SFMBT2: variants seen among roughly 807,000 people sequenced by gnomAD.
The protein encoded by SFMBT2 is scm-like with four MBT domains protein 2.
In SFMBT2, 38 loss-of-function variants were observed where a neutral mutation model predicts 110.1. The observed-to-expected ratio is 0.35, with a 90% confidence interval of 0.27 to 0.45. The LOEUF (loss-of-function observed/expected upper bound fraction) is 0.45, where lower values mean the gene tolerates loss of function less well. SFMBT2 is among the 20% of genes least tolerant of loss of function. SFMBT2 has a pLI of 1.00. For synonymous variants in SFMBT2, 425 were observed against 425.4 expected, an observed-to-expected ratio of 1.00 and a Z score of 0.01; for missense variants, 1,011 against 1,094.9, an observed-to-expected ratio of 0.92 and a Z score of 1.08.
chr10:7,385,539 G>A (rs1456957909), intron 1 of SFMBT2, among the ~76,000 whole-genome samples: 1 of 152,196 alleles, frequency 6.6e-6, no homozygotes, highest in Admixed American at 6.5e-5. Context: ...AATGTATCCA[G>A]GAGAAAGGGG....
intron 9 of SFMBT2, among the ~76,000 whole-genome samples, chr10:7,236,565 G>A (rs1250375272): frequency 6.6e-6 from 1 of 152,136 alleles, no homozygotes; most frequent in African/African-American, 2.4e-5. Flanking sequence ...ACGATGCAGA[G>A]ACAAGTGGGG....
chr10:7,311,332 C>A (rs567758307), intron 4 of SFMBT2, among the ~76,000 whole-genome samples: 1 of 152,350 alleles, frequency 6.6e-6, no homozygotes, highest in East Asian at 1.9e-4. Context: ...GTCCATCTTT[C>A]ATTGTGACAT....
At chr10:7,197,984 C>T (rs940436118) in intron 14 of SFMBT2, 61 of 985,196 alleles carry the variant, frequency 6.2e-5, no homozygotes, top group Non-Finnish European at 7.4e-5. Context: ...GCGCTGTGTC[C>T]TAATAGCAGG....
intron 4 of SFMBT2, among the ~76,000 whole-genome samples, chr10:7,321,201 CTTTTTTTTTT>C (rs542174351): frequency 7.7e-6 from 1 of 130,490 alleles, no homozygotes; most frequent in African/African-American, 2.9e-5. Flanking sequence ...TATGAGCATC[CTTTTTTTTTT>C]TTTTTTTTGA....
At chr10:7,318,188 C>T (rs1186549343) in intron 4 of SFMBT2, among the ~76,000 whole-genome samples, 1 of 152,214 alleles carries the variant, frequency 6.6e-6, no homozygotes, top group Non-Finnish European at 1.5e-5. Flanking sequence ...AGGCATTCTG[C>T]CAGAACCTTC....
At chr10:7,232,016 G>A (rs1281320758) in intron 9 of SFMBT2, among the ~76,000 whole-genome samples, 1 of 152,152 alleles carries the variant, frequency 6.6e-6, no homozygotes, top group African/African-American at 2.4e-5. Context: ...CTGGAGGGAG[G>A]GAGGAAAACA....
intron 4 of SFMBT2, among the ~76,000 whole-genome samples, chr10:7,337,808 A>T (rs1043952176): frequency 1.3e-5 from 2 of 152,178 alleles, no homozygotes; most frequent in South Asian, 4.1e-4. Context: ...CCTGGAATCA[A>T]CTGAAGACGA....
Position 7,172,614 on chromosome 10 carries a change from C to T in SFMBT2, c.2032G>A (p.Glu678Lys), listed in dbSNP as rs1837922214. ...GGGTGTCCGCTGTCGGGGTTGCTTT[C>T]CCCGATGGGGGGCTTGGAGATCTTC... ...RKKISKPPIG[E>K]SNPDSGHPKP... The change falls in exon 18 of 21, where the codon GAA (glutamate) becomes AAA (lysine). Residue 678 changes from glutamate (E) to lysine (K), a missense_variant. Glu to Lys is a moderately conservative substitution (Grantham distance 56). This residue lies in a region of SFMBT2 where 979 missense variants were observed against 1,016.1 expected (regional missense o/e 0.96). Transcript: ENST00000397167. The surrounding 1 kb of genome is among the most constrained non-coding windows in gnomAD (Gnocchi z 4.6). 1 of 1,614,074 alleles carries T rather than the reference C, an allele frequency of 6.2e-7. No homozygotes were observed. The highest frequency in any genetic ancestry group is 8.5e-7 in the Non-Finnish European group (1 of 1,180,028).
chr10:7,387,383 C>A (rs921791544), intron 1 of SFMBT2, among the ~76,000 whole-genome samples: 29 of 152,246 alleles, frequency 1.9e-4, no homozygotes, highest in African/African-American at 7.0e-4. Flanking sequence ...ACGTTGGGCA[C>A]TGGGGACAGA....
chr10:7,246,867 T>C (rs1185468836), intron 8 of SFMBT2, among the ~76,000 whole-genome samples: 1 of 152,056 alleles, frequency 6.6e-6, no homozygotes, highest in Non-Finnish European at 1.5e-5. Flanking sequence ...CCGGCATGAC[T>C]GCAGCACCCA....
At chr10:7,238,264 GA>G (rs1395956385) in intron 9 of SFMBT2, among the ~76,000 whole-genome samples, 5 of 152,204 alleles carry the variant, frequency 3.3e-5, no homozygotes, top group African/African-American at 1.2e-4. Flanking sequence ...GTGAGACTCT[GA>G]AAATGTGGAC....
At position 7,171,987 on chromosome 10, in the gene SFMBT2, G is replaced by T. The variant is rs778596549; in HGVS notation, c.2323C>A (p.Pro775Thr). Residue 775 changes from proline (P) to threonine (T), a missense_variant, in exon 19 of 21, where the codon CCA (proline) becomes ACA (threonine). This residue lies in a region of SFMBT2 where 979 missense variants were observed against 1,016.1 expected (regional missense o/e 0.96). Coordinates refer to ENST00000397167, the MANE Select transcript of SFMBT2 (RefSeq NM_001387889.1). This position sits in a 1 kb window ranked among gnomAD's most constrained non-coding sequence, Gnocchi z 4.9. Reference sequence around the variant, plus strand: ...CCGCGGCCCCTTCGTGTCCTCTCTGGGGGTGGCCGGCGCACGGGCTCTGAG... The same window carrying T: ...CCGCGGCCCCTTCGTGTCCTCTCTGTGGGTGGCCGGCGCACGGGCTCTGAG... ...SGSEPVRRPP[P>T]ERTRRGRGAP... 1 of 1,549,666 alleles carries T rather than the reference G, an allele frequency of 6.5e-7. No homozygotes were observed. Among genetic ancestry groups the T allele is most frequent in the Admixed American group, 1.9e-5 (1 of 51,874 alleles).
chr10:7,314,501 CT>C (rs1169968935), intron 4 of SFMBT2, among the ~76,000 whole-genome samples: 2 of 152,206 alleles, frequency 1.3e-5, no homozygotes, highest in Admixed American at 1.3e-4. Flanking sequence ...CACATGATCT[CT>C]GGGATTTCTA....
At chr10:7,180,894 AG>A (rs998108218) in intron 16 of SFMBT2, among the ~76,000 whole-genome samples, 35 of 152,252 alleles carry the variant, frequency 2.3e-4, no homozygotes, top group African/African-American at 7.9e-4. Context: ...GGGAAGGAAA[AG>A]GCTAGGATGA....
At chr10:7,203,034 G>C in intron 12 of SFMBT2, 1 of 985,364 alleles carries the variant, frequency 1.0e-6, no homozygotes, top group Non-Finnish European at 1.2e-6. Context: ...TGAGCAAATA[G>C]TGATTTCTTT....
chr10:7,244,585 A>C (rs939370902), intron 8 of SFMBT2, among the ~76,000 whole-genome samples: 1 of 152,248 alleles, frequency 6.6e-6, no homozygotes, highest in Non-Finnish European at 1.5e-5. Flanking sequence ...CGATAAACAA[A>C]GCAGAGGGTA....
chr10:7,396,615 T>A (rs912302472), intron 1 of SFMBT2, among the ~76,000 whole-genome samples: 29 of 152,112 alleles, frequency 1.9e-4, no homozygotes, highest in Admixed American at 6.6e-4. Context: ...CCTTCCCTTA[T>A]GCTAATTCTA....
At chr10:7,335,421 A>G (rs1365835910) in intron 4 of SFMBT2, among the ~76,000 whole-genome samples, 1 of 152,186 alleles carries the variant, frequency 6.6e-6, no homozygotes, top group African/African-American at 2.4e-5. Flanking sequence ...TAATCTATAG[A>G]ACAGCATTAC....
At chr10:7,398,165 T>C (rs1015619006) in intron 1 of SFMBT2, among the ~76,000 whole-genome samples, 2 of 152,202 alleles carry the variant, frequency 1.3e-5, no homozygotes, top group Non-Finnish European at 2.9e-5. Context: ...CTGGGGATAA[T>C]AGGCACTCTA....
Sources: gnomAD v4.1 joint callset for allele counts (sites outside exome capture counted in the v4.1 genomes callset) on GRCh38, gnomAD v4.1.1 for gene constraint, gnomAD v4.1.1 regional missense constraint, Gnocchi (gnomAD v3.1) non-coding constraint, MANE v1.5 for transcripts, NCBI Gene and HGNC (gene_info 2026-07-23, HGNC 2026-07-21) for gene names.